The following SCTR variants were observed in gnomAD, a reference collection of about 807,000 sequenced individuals.
SCTR encodes pancreatic secretin receptor.
In SCTR, 56 loss-of-function variants were observed where a neutral mutation model predicts 60.8. The ratio of observed to expected loss-of-function variants is 0.92; its 90% CI spans 0.74 to 1.15. SCTR has a LOEUF of 1.15. SCTR is among the 50% of genes most tolerant of loss of function. SCTR has a pLI of 0.00. For synonymous variants in SCTR, 202 were observed against 217.0 expected (o/e 0.93, Z 0.61); for missense variants, 562 against 550.4 (o/e 1.02, Z -0.21).
intron 1 of SCTR, among the ~76,000 whole-genome samples, chr2:119,504,548 G>A (rs141639573): frequency 4.8e-3 from 725 of 151,986 alleles, no homozygotes; most frequent in Non-Finnish European, 7.5e-3. Context: ...CTAAGATTGC[G>A]CCACAACACT....
intron 3 of SCTR, among the ~76,000 whole-genome samples, 161 bp downstream of exon 3, chr2:119,478,650 T>C (rs1677447832): frequency 6.6e-6 from 1 of 152,090 alleles, no homozygotes; most frequent in Non-Finnish European, 1.5e-5. Context: ...CCACCCCACA[T>C]TCCCAAGCAA....
intron 6 of SCTR, 107 bp downstream of exon 6, chr2:119,464,016 C>T: frequency 8.1e-7 from 1 of 1,235,954 alleles, no homozygotes; most frequent in Non-Finnish European, 1.2e-6. Flanking sequence ...TAAGTGCAGC[C>T]TCAGCAGGGG....
At chr2:119,444,179 AC>A (rs1341898154) in intron 11 of SCTR, among the ~76,000 whole-genome samples, 1 of 143,204 alleles carries the variant, frequency 7.0e-6, no homozygotes, top group Non-Finnish European at 1.5e-5. Context: ...ATGTATATAT[AC>A]ATATGAATAT....
chr2:119,523,986 G>A (rs1679371671), intron 1 of SCTR, among the ~76,000 whole-genome samples, 169 bp downstream of exon 1: 1 of 152,138 alleles, frequency 6.6e-6, no homozygotes. Flanking sequence ...GGGTCCCTCC[G>A]GAGAAGAGCT....
Position 119,496,506 on chromosome 2 carries a change from T to A in SCTR, c.73-1958A>T, listed in dbSNP as rs146895030. Among the ~76,000 whole-genome samples, 53 of 152,238 alleles carry A rather than the reference T, an allele frequency of 3.5e-4. No homozygotes were observed. The East Asian group carries it at 0.01, about 29-fold the overall frequency. ...GTTAGATGTACTTTTCCCTATTACGTCTACTAAGTGCAAATAAGATCCTGG... is the reference window on the plus strand; with the variant it reads ...GTTAGATGTACTTTTCCCTATTACGACTACTAAGTGCAAATAAGATCCTGG... On this transcript the variant is annotated intron_variant, in intron 1 of 12. Coordinates refer to ENST00000019103, the MANE Select transcript of SCTR (RefSeq NM_002980.3).
At chr2:119,494,365 G>A in intron 2 of SCTR, 63 bp downstream of exon 2, 3 of 1,571,882 alleles carry the variant, frequency 1.9e-6, no homozygotes, top group Non-Finnish European at 1.7e-6. Context: ...AGCTCCCCCT[G>A]CCCAGCAGGA....
intron 11 of SCTR, among the ~76,000 whole-genome samples, chr2:119,445,311 G>A (rs150893145): frequency 1.3e-5 from 2 of 152,206 alleles, no homozygotes; most frequent in African/African-American, 4.8e-5. Flanking sequence ...AAGAGCAGTG[G>A]TGAGGAAAGC....
chr2:119,516,992 C>T (rs187431885), intron 1 of SCTR, among the ~76,000 whole-genome samples: 36 of 152,218 alleles, frequency 2.4e-4, no homozygotes, highest in Non-Finnish European at 1.5e-5. Context: ...ATAATAATAA[C>T]ACTGTATCGT....
Position 119,464,250 on chromosome 2 carries a change from A to T in SCTR, c.509T>A (p.Leu170His). 6.2e-7 allele frequency: 1 copy of T among 1,614,138 alleles called. No individual in the cohort carries two copies. The highest frequency in any genetic ancestry group is 8.5e-7 in the Non-Finnish European group (1 of 1,180,010). The change falls in exon 6 of 13, where the codon CTC becomes CAC. Residue 170 changes from leucine to histidine, a missense_variant. Leu to His is a moderately conservative substitution (Grantham distance 99). Transcript: ENST00000019103. Reference sequence around the variant, plus strand: ...GTGGATGTAGTTGCGAGTGCAGTGGAGCCTCCTGCAGGGAGAGAATGTAGG... The same window carrying T: ...GTGGATGTAGTTGCGAGTGCAGTGGTGCCTCCTGCAGGGAGAGAATGTAGG... The part of the protein sequence containing the change: ...ALGILCAFRR[L>H]HCTRNYIHMH...
At chr2:119,490,705 G>A (rs1294600309) in intron 2 of SCTR, among the ~76,000 whole-genome samples, 1 of 152,120 alleles carries the variant, frequency 6.6e-6, no homozygotes, top group Admixed American at 6.5e-5. Context: ...GCTCTGCCAC[G>A]GGGGTGTACC....
At chr2:119,496,933 C>T (rs1209095978) in intron 1 of SCTR, among the ~76,000 whole-genome samples, 1 of 152,154 alleles carries the variant, frequency 6.6e-6, no homozygotes, top group Non-Finnish European at 1.5e-5. Flanking sequence ...GTGTGTTTCA[C>T]AGAGACTGCA....
At chr2:119,490,763 C>T (rs1200540258) in intron 2 of SCTR, among the ~76,000 whole-genome samples, 2 of 152,184 alleles carry the variant, frequency 1.3e-5, no homozygotes, top group Non-Finnish European at 2.9e-5. Flanking sequence ...TAGCCTTAAC[C>T]TTTTCTGGGC....
intron 2 of SCTR, 42 bp from the exon 3 acceptor site, chr2:119,478,960 C>G (rs1345912813): frequency 5.6e-6 from 9 of 1,612,214 alleles, no homozygotes; most frequent in Non-Finnish European, 6.8e-6. Flanking sequence ...GGGGATGGAC[C>G]GAGGGCTGCC....
intron 1 of SCTR, among the ~76,000 whole-genome samples, chr2:119,510,205 A>T (rs1299881616): frequency 6.1e-5 from 9 of 147,848 alleles, no homozygotes; most frequent in African/African-American, 2.0e-4. Context: ...TCATTGTTCA[A>T]CTCCCACTTA....
chr2:119,444,449 G>GTACGTATATATATACACATATATACA (rs1682816764), intron 11 of SCTR, among the ~76,000 whole-genome samples: 1 of 96,618 alleles, frequency 1.0e-5, no homozygotes, highest in Non-Finnish European at 2.0e-5. Context: ...ATATATATAC[G>GTACGTATATATATACACATATATACA]TACGTATATA....
chr2:119,501,509 A>G (rs1678551223), intron 1 of SCTR, among the ~76,000 whole-genome samples: 1 of 152,206 alleles, frequency 6.6e-6, no homozygotes, highest in African/African-American at 2.4e-5. Context: ...ATGTTGGTTA[A>G]TGGGTACAAA....
At chr2:119,466,027 A>T in intron 4 of SCTR, 141 bp from the exon 5 acceptor site, 1 of 624,772 alleles carries the variant, frequency 1.6e-6, no homozygotes, top group Non-Finnish European at 3.0e-6. Flanking sequence ...ATTCACAGAC[A>T]CATAACACCG....
At chr2:119,513,912 C>T (rs1054636443) in intron 1 of SCTR, among the ~76,000 whole-genome samples, 2 of 152,126 alleles carry the variant, frequency 1.3e-5, no homozygotes, top group African/African-American at 4.8e-5. Context: ...TTTAGTATCC[C>T]ATAATTTTAC....
chr2:119,471,594 C>T (rs183528762), intron 4 of SCTR, among the ~76,000 whole-genome samples: 1 of 152,312 alleles, frequency 6.6e-6, no homozygotes, highest in Admixed American at 6.5e-5. Context: ...TGCTCTGACA[C>T]ACAACTTCCT....
Sources: allele counts gnomAD v4.1 joint callset (sites outside exome capture counted in the v4.1 genomes callset), GRCh38; gene constraint gnomAD v4.1.1; transcripts MANE v1.5; gene names NCBI Gene and HGNC (gene_info 2026-07-23, HGNC 2026-07-21).